Variants in PPP2R2C observed in about 807,000 individuals in gnomAD.
PPP2R2C encodes the protein protein phosphatase 2, regulatory subunit B, gamma.
PPP2R2C carries 10 observed loss-of-function variants against 45.3 expected under a neutral mutation model. That is an observed-to-expected ratio of 0.22 (90% CI 0.14 to 0.37). PPP2R2C has a LOEUF of 0.37. Among genes scored for constraint, PPP2R2C ranks in the 10% least tolerant of loss-of-function variants. The probability of loss-of-function intolerance (pLI) is 1.00; values close to 1 mark genes in which losing one functional copy is unlikely to be tolerated. For missense variants in PPP2R2C, 308 were observed against 619.7 expected (o/e 0.50, Z 5.34); for synonymous variants, 257 against 245.4 (o/e 1.05, Z -0.44).
chr4:6,528,212 G>A (rs966123736), intron 2 of PPP2R2C, among the ~76,000 whole-genome samples: 7 of 152,214 alleles, frequency 4.6e-5, no homozygotes, highest in Non-Finnish European at 8.8e-5. Flanking sequence ...TCCTCTTCCC[G>A]GCCTGCAAAG....
chr4:6,384,561 G>T (rs1003394056), intron 1 of PPP2R2C: 1 of 980,578 alleles, frequency 1.0e-6, no homozygotes, highest in Non-Finnish European at 1.2e-6. Context: ...TTTGATGAGG[G>T]TGGGCATACA....
intron 1 of PPP2R2C, among the ~76,000 whole-genome samples, chr4:6,399,838 A>G (rs1402820929): frequency 6.6e-6 from 1 of 152,224 alleles, no homozygotes; most frequent in East Asian, 1.9e-4. Flanking sequence ...CAAATGCAGA[A>G]CGTCCAGTCC....
intron 2 of PPP2R2C, among the ~76,000 whole-genome samples, chr4:6,520,267 C>T (rs1324025780): frequency 6.6e-6 from 1 of 152,026 alleles, no homozygotes; most frequent in Non-Finnish European, 1.5e-5. Context: ...ACTCAGCAAG[C>T]GGGGCTCCGG....
chr4:6,436,067 C>A (rs1044557506), intron 1 of PPP2R2C, among the ~76,000 whole-genome samples: 3 of 152,142 alleles, frequency 2.0e-5, no homozygotes, highest in African/African-American at 4.8e-5. Flanking sequence ...GCTCCCTAGC[C>A]CCTTCTGCCA....
chr4:6,479,512 G>A (rs895212013), intron 2 of PPP2R2C, among the ~76,000 whole-genome samples: 1 of 150,942 alleles, frequency 6.6e-6, no homozygotes, highest in African/African-American at 2.4e-5. Flanking sequence ...CGAAGTCTGT[G>A]TGGAAGGGCC....
At chr4:6,429,228 C>A (rs1719491897) in intron 1 of PPP2R2C, among the ~76,000 whole-genome samples, 1 of 152,244 alleles carries the variant, frequency 6.6e-6, no homozygotes, top group South Asian at 2.1e-4. Context: ...GAAGCAGCAG[C>A]TTTAATTCCT....
chr4:6,382,287 G>C lies in PPP2R2C; in HGVS notation c.71-1193C>G, dbSNP rs1272751822. ...ACCTCTGTCGTTCTTTGCTCTCCTG[G>C]CCTGGATTCTGTAGTCTCCAAAATC... On this transcript the variant is annotated intron_variant, in intron 1 of 8. Transcript: ENST00000382599. The C allele has an allele frequency of 5.5e-6, 7 of 1,266,390 alleles. No individual in the cohort carries two copies. The African/African-American group carries it at 1.1e-4, about 19-fold the overall frequency. 78.4% of individuals were successfully genotyped at this position (1,266,390 alleles called of 1,614,324 possible). A position where few individuals can be genotyped will look rare whatever the true frequency, so the allele number is the denominator to read the frequency against.
At chr4:6,451,535 C>T (rs1720734016) in intron 1 of PPP2R2C, among the ~76,000 whole-genome samples, 1 of 152,150 alleles carries the variant, frequency 6.6e-6, no homozygotes, top group Admixed American at 6.5e-5. Context: ...TCTGCTTTGC[C>T]AGCTTCTCTC....
At chr4:6,381,230 C>T in intron 1 of PPP2R2C, 136 bp from the exon 2 acceptor site, 1 of 1,539,032 alleles carries the variant, frequency 6.5e-7, no homozygotes, top group Non-Finnish European at 8.7e-7. Context: ...AGCAGGGAGC[C>T]TGAGGGGTCA....
intron 1 of PPP2R2C, among the ~76,000 whole-genome samples, chr4:6,386,430 C>T (rs1217143055): frequency 2.0e-5 from 3 of 152,162 alleles, no homozygotes; most frequent in African/African-American, 4.8e-5. Flanking sequence ...TAAACTCTGC[C>T]CATGTCTTGG....
At chr4:6,406,868 A>C (rs929983591) in intron 1 of PPP2R2C, among the ~76,000 whole-genome samples, 1 of 152,244 alleles carries the variant, frequency 6.6e-6, no homozygotes, top group African/African-American at 2.4e-5. Flanking sequence ...GTCTTTGAAG[A>C]CATAATTAAG....
chr4:6,484,812 G>A (rs1028528291), intron 2 of PPP2R2C, among the ~76,000 whole-genome samples: 2 of 151,702 alleles, frequency 1.3e-5, no homozygotes, highest in African/African-American at 4.8e-5. Context: ...TATTAACTCT[G>A]GTAGCTTTTT....
chr4:6,370,437 C>A (rs931058687), intron 5 of PPP2R2C, among the ~76,000 whole-genome samples: 1 of 152,210 alleles, frequency 6.6e-6, no homozygotes, highest in African/African-American at 2.4e-5. Flanking sequence ...CCGCCCCTCC[C>A]CCACATCCAG....
intron 2 of PPP2R2C, among the ~76,000 whole-genome samples, chr4:6,528,743 A>G (rs914388640): frequency 5.3e-5 from 8 of 152,118 alleles, no homozygotes; most frequent in African/African-American, 1.9e-4. Context: ...GCCTTAACTG[A>G]TGACATTATC....
chr4:6,537,637 G>A (rs761965508), intron 1 of PPP2R2C, among the ~76,000 whole-genome samples: 2 of 147,594 alleles, frequency 1.4e-5, no homozygotes, highest in Non-Finnish European at 3.0e-5. Context: ...TGTAAGCTCC[G>A]CCTCCCAGGT....
intron 5 of PPP2R2C, among the ~76,000 whole-genome samples, chr4:6,358,109 A>G (rs903857148): frequency 6.6e-6 from 1 of 152,196 alleles, no homozygotes; most frequent in Non-Finnish European, 1.5e-5. Context: ...CAGTAACCAA[A>G]ACAGCATGGT....
In PPP2R2C at chr4:6,523,748, C is replaced by T. The variant is rs1033866710; in HGVS notation, c.49+11523G>A. Among the ~76,000 whole-genome samples the T allele has an allele frequency of 2.0e-5, 3 of 152,206 alleles. No individual in the cohort carries two copies. In the South Asian group the frequency reaches 6.2e-4, roughly 31 times the overall value. On this transcript the variant is annotated intron_variant, in intron 2 of 9. Coordinates refer to the PPP2R2C transcript ENST00000506140. ...ACGGAACACTGAAAACACACATCCA[C>T]ATGAACACTGGAACGCGAATGTTCC...
chr4:6,346,342 C>A (rs530040777), intron 6 of PPP2R2C, among the ~76,000 whole-genome samples: 31 of 152,310 alleles, frequency 2.0e-4, no homozygotes, highest in African/African-American at 7.2e-4. Flanking sequence ...CACTGCAGTG[C>A]CCTCCTTCTC....
At chr4:6,514,615 G>A (rs1011756878) in intron 2 of PPP2R2C, among the ~76,000 whole-genome samples, 3 of 152,188 alleles carry the variant, frequency 2.0e-5, no homozygotes, top group Non-Finnish European at 4.4e-5. Flanking sequence ...TTCAGACACC[G>A]GGTTCTGGAA....
Sources: gnomAD v4.1 joint callset for allele counts (sites outside exome capture counted in the v4.1 genomes callset) on GRCh38, gnomAD v4.1.1 for gene constraint, MANE v1.5 for transcripts, NCBI Gene and HGNC (gene_info 2026-07-23, HGNC 2026-07-21) for gene names.